The following SNX8 variants were observed in gnomAD, a reference collection of about 807,000 sequenced individuals.
SNX8 encodes sorting nexin 8, also known as sorting nexin-8.
A neutral mutation model predicts 51.6 loss-of-function variants in SNX8; 25 were observed. That is an observed-to-expected ratio of 0.48 (90% CI 0.35 to 0.68). The LOEUF (loss-of-function observed/expected upper bound fraction) is 0.68. Ranked by LOEUF, SNX8 falls within the 30% of genes least tolerant of loss-of-function variation. SNX8 has a pLI of 0.00. For synonymous variants in SNX8, 324 were observed against 277.0 expected (o/e 1.17, Z -1.68); for missense variants, 695 against 624.0 (o/e 1.11, Z -1.21).
At chr7:2,261,950 A>G (rs1364140901) in intron 7 of SNX8, among the ~76,000 whole-genome samples, 1 of 152,138 alleles carries the variant, frequency 6.6e-6, no homozygotes, top group Non-Finnish European at 1.5e-5. Flanking sequence ...CACTCTGATC[A>G]CTCTCTTCAA....
intron 1 of SNX8, among the ~76,000 whole-genome samples, chr7:2,339,497 T>C (rs1778885512): frequency 6.6e-6 from 1 of 152,062 alleles, no homozygotes; most frequent in Admixed American, 6.6e-5. Flanking sequence ...TATAAAACTT[T>C]ATTAAAAGAC....
chr7:2,313,523 C>CAA (rs371626274), intron 1 of SNX8, among the ~76,000 whole-genome samples: 11 of 108,078 alleles, frequency 1.0e-4, no homozygotes, highest in African/African-American at 2.0e-4. Context: ...GAATCTGTCT[C>CAA]AAAAAAAAAA....
chr7:2,257,832 C>T (rs1795229651), intron 7 of SNX8, 29 bp from the exon 8 acceptor site: 8 of 1,607,820 alleles, frequency 5.0e-6, no homozygotes, highest in East Asian at 2.2e-5. Context: ...CTCACCCACG[C>T]GGACGCACAT....
chr7:2,268,458 T>G (rs1172783353), intron 5 of SNX8, among the ~76,000 whole-genome samples: 14 of 102,474 alleles, frequency 1.4e-4, no homozygotes, highest in African/African-American at 2.0e-4. Context: ...GTGGGGGGGG[T>G]CAGCCCCCCG....
intron 1 of SNX8, among the ~76,000 whole-genome samples, chr7:2,292,283 C>G (rs1796167619): frequency 6.6e-6 from 1 of 151,912 alleles, no homozygotes; most frequent in Non-Finnish European, 1.5e-5. Context: ...GAAGCCGGAC[C>G]CCTCCCTCAC....
intron 1 of SNX8, among the ~76,000 whole-genome samples, chr7:2,312,258 T>C (rs1796672645): frequency 6.6e-6 from 1 of 152,094 alleles, no homozygotes; most frequent in Non-Finnish European, 1.5e-5. Flanking sequence ...ATCTCTAAAT[T>C]ACACCATTAT....
intron 1 of SNX8, among the ~76,000 whole-genome samples, chr7:2,352,122 G>A (rs1413837179): frequency 1.3e-5 from 2 of 151,792 alleles, no homozygotes; most frequent in African/African-American, 4.8e-5. Flanking sequence ...TGTTCAGGCT[G>A]GTCTCGAACT....
intron 1 of SNX8, among the ~76,000 whole-genome samples, chr7:2,333,073 G>C (rs982406665): frequency 2.6e-5 from 4 of 151,308 alleles, no homozygotes; most frequent in Non-Finnish European, 5.9e-5. Flanking sequence ...GTTCTTTTTT[G>C]TTTCTTTTAA....
At chr7:2,329,052 C>G (rs1294785912) in intron 1 of SNX8, among the ~76,000 whole-genome samples, 3 of 151,258 alleles carry the variant, frequency 2.0e-5, no homozygotes, top group Non-Finnish European at 2.9e-5. Flanking sequence ...CGCCACTGCA[C>G]TCCAGCCTGG....
At chr7:2,323,148 G>A (rs929532564) in intron 1 of SNX8, among the ~76,000 whole-genome samples, 4 of 151,896 alleles carry the variant, frequency 2.6e-5, no homozygotes, top group African/African-American at 7.3e-5. Context: ...CGGCCAATAC[G>A]GTGAAACCCC....
upstream of SNX8, among the ~76,000 whole-genome samples, chr7:2,316,257 A>ACTCATG (rs1562455276): frequency 1.6e-5 from 2 of 126,938 alleles, no homozygotes; most frequent in Non-Finnish European, 3.3e-5. Context: ...CCACTCACTC[A>ACTCATG]CTCTGCATCC....
rs866269640 is a variant in SNX8 at position 2,268,435 on chromosome 7, A to G, written c.621+1124T>C. On this transcript the variant is annotated intron_variant, in intron 5 of 10. Coordinates refer to ENST00000222990, the MANE Select transcript of SNX8 (RefSeq NM_013321.4). The stretch of plus-strand genomic sequence containing the variant: ...AGCGTCTCCGCCCGGCAGCCACCCC[A>G]TCCGGGAGGGAGGTGGGGGGGGTCA... 8.8e-3 allele frequency among the ~76,000 whole-genome samples: 993 copies of G among 113,342 alleles called. 2 individuals carry two copies. Among genetic ancestry groups the G allele is most frequent in the Admixed American group, 0.016 (182 of 11,210 alleles). 74.4% of individuals were successfully genotyped at this position (113,342 alleles called of 152,430 possible).
chr7:2,299,608 G>A (rs1796349201), intron 1 of SNX8, among the ~76,000 whole-genome samples: 1 of 152,144 alleles, frequency 6.6e-6, no homozygotes, highest in Non-Finnish European at 1.5e-5. Context: ...TACCAAGTAG[G>A]AGTTTGGAGT....
chr7:2,261,634 A>G (rs1795338894), intron 7 of SNX8, among the ~76,000 whole-genome samples: 3 of 152,098 alleles, frequency 2.0e-5, no homozygotes, highest in South Asian at 2.1e-4. Flanking sequence ...GGTCCCCTCC[A>G]CCTGGGGGGA....
intron 4 of SNX8, among the ~76,000 whole-genome samples, chr7:2,270,815 T>C (rs1348437967): frequency 6.6e-6 from 1 of 150,578 alleles, no homozygotes. Flanking sequence ...GGAGAGGGGG[T>C]GTCTTCCTGC....
At chr7:2,258,797 G>T (rs890163416) in intron 7 of SNX8, among the ~76,000 whole-genome samples, 1 of 152,182 alleles carries the variant, frequency 6.6e-6, no homozygotes, top group Non-Finnish European at 1.5e-5. Context: ...CCTCACACAA[G>T]GCTCTGTGCG....
chr7:2,345,846 T>C (rs955673662), intron 1 of SNX8, among the ~76,000 whole-genome samples: 2 of 152,066 alleles, frequency 1.3e-5, no homozygotes, highest in African/African-American at 2.4e-5. Flanking sequence ...TCACTCTTGT[T>C]GCCCAGGCTG....
chr7:2,268,555 G>C (rs1795549633), intron 5 of SNX8, among the ~76,000 whole-genome samples: 1 of 146,332 alleles, frequency 6.8e-6, no homozygotes, highest in African/African-American at 2.5e-5. Context: ...AGGTGGGGGG[G>C]TCAGCCCCCC....
intron 1 of SNX8, among the ~76,000 whole-genome samples, chr7:2,280,168 G>A (rs113781515): frequency 6.6e-6 from 1 of 152,290 alleles, no homozygotes; most frequent in Non-Finnish European, 1.5e-5. Context: ...TTACAGACAA[G>A]AAGTCACCGT....
Sources: allele counts gnomAD v4.1 joint callset (sites outside exome capture counted in the v4.1 genomes callset), GRCh38; gene constraint gnomAD v4.1.1; transcripts MANE v1.5; gene names NCBI Gene and HGNC (gene_info 2026-07-23, HGNC 2026-07-21).